The following MCTP1 variants were observed in gnomAD, a reference collection of about 807,000 sequenced individuals.
The protein encoded by MCTP1 is multiple C2 and transmembrane domain-containing protein 1.
MCTP1 carries 69 observed loss-of-function variants against 120.6 expected under a neutral mutation model. That is an observed-to-expected ratio of 0.57 (90% confidence interval 0.47 to 0.70). The LOEUF is 0.70. Among genes scored for constraint, MCTP1 ranks in the 30% least tolerant of loss-of-function variants. The pLI is 0.00. For missense variants in MCTP1, 1,203 were observed against 1,248.8 expected (o/e 0.96, Z 0.55); for synonymous variants, 529 against 493.1 (o/e 1.07, Z -0.96).
At chr5:95,136,511 C>T (rs1274752839) in intron 1 of MCTP1, among the ~76,000 whole-genome samples, 3 of 150,744 alleles carry the variant, frequency 2.0e-5, no homozygotes, top group Non-Finnish European at 2.9e-5. Context: ...GATGAAGTGG[C>T]GAGGAAAAAA....
rs1429673157 is a variant in MCTP1, at chr5:94,931,968, C to T, written c.1197G>A (p.Trp399Ter). 6.2e-7 allele frequency: 1 copy of T among 1,604,046 alleles called. No homozygotes were observed. Among genetic ancestry groups the T allele is most frequent in the African/African-American group, 1.3e-5 (1 of 74,620 alleles). The change falls in exon 6 of 23, where the codon TGG becomes TGA. Residue 399 changes from tryptophan to a stop codon, truncating the protein, a stop_gained. Transcript: ENST00000515393. LOFTEE classifies it high-confidence loss of function. Reference sequence around the variant, plus strand: ...TAAGAATTACCTTACTTGATCTTTTCCAACTCTTCCTCATTAGCATTGTCT... The same window carrying T: ...TAAGAATTACCTTACTTGATCTTTTTCAACTCTTCCTCATTAGCATTGTCT... Reference protein sequence around the residue: ...RDVTMLMRKSWKRSSKELSEN... With the variant: ...RDVTMLMRKS
intron 1 of MCTP1, among the ~76,000 whole-genome samples, chr5:95,174,529 A>G (rs1304382807): frequency 6.6e-6 from 1 of 152,248 alleles, no homozygotes; most frequent in Non-Finnish European, 1.5e-5. Flanking sequence ...GAGGTAGAAT[A>G]GAGACATTTT....
intron 1 of MCTP1, among the ~76,000 whole-genome samples, chr5:95,240,020 C>T (rs931181210): frequency 2.0e-5 from 3 of 151,964 alleles, no homozygotes; most frequent in African/African-American, 7.2e-5. Flanking sequence ...ATACTATGAT[C>T]TCATCTGTAT....
At chr5:95,083,874 A>G (rs1463813518) in intron 1 of MCTP1, among the ~76,000 whole-genome samples, 1 of 152,232 alleles carries the variant, frequency 6.6e-6, no homozygotes, top group Non-Finnish European at 1.5e-5. Context: ...CGTTAAATAA[A>G]TAATGGGTTA....
chr5:95,077,937 C>T (rs1396024756), intron 1 of MCTP1, among the ~76,000 whole-genome samples: 2 of 151,820 alleles, frequency 1.3e-5, no homozygotes, highest in African/African-American at 4.8e-5. Context: ...TCCTCTGGGC[C>T]CACATTCTCT....
intron 2 of MCTP1, among the ~76,000 whole-genome samples, chr5:95,003,951 G>A (rs978510526): frequency 2.0e-5 from 3 of 152,104 alleles, no homozygotes; most frequent in Admixed American, 1.3e-4. Flanking sequence ...AAGAAGACAG[G>A]AACATGAGGA....
intron 17 of MCTP1, among the ~76,000 whole-genome samples, chr5:94,822,600 G>A (rs996354714): frequency 6.6e-6 from 1 of 152,138 alleles, no homozygotes; most frequent in Non-Finnish European, 1.5e-5. Context: ...GGGTCAGGTG[G>A]TATTTCTAGT....
chr5:95,078,062 C>CCATCCATCCATT (rs1375496100), intron 1 of MCTP1, among the ~76,000 whole-genome samples: 1 of 152,166 alleles, frequency 6.6e-6, no homozygotes, highest in Non-Finnish European at 1.5e-5. Flanking sequence ...ATCCATCCAT[C>CCATCCATCCATT]CATCTTGTTT....
At chr5:94,951,320 T>G (rs1820513383) in intron 3 of MCTP1, among the ~76,000 whole-genome samples, 1 of 152,246 alleles carries the variant, frequency 6.6e-6, no homozygotes, top group African/African-American at 2.4e-5. Context: ...AGATGAATAC[T>G]TATTCTTGAG....
At chr5:94,962,300 G>A (rs1276151679) in intron 2 of MCTP1, among the ~76,000 whole-genome samples, 1 of 151,898 alleles carries the variant, frequency 6.6e-6, no homozygotes, top group East Asian at 1.9e-4. Flanking sequence ...CGGGGTATCT[G>A]CCCACAGGAA....
intron 18 of MCTP1, among the ~76,000 whole-genome samples, chr5:94,787,005 C>G (rs1777874015): frequency 6.6e-6 from 1 of 152,192 alleles, no homozygotes; most frequent in South Asian, 2.1e-4. Flanking sequence ...TAGTCTCCAT[C>G]TCCAGGCCTG....
chr5:94,886,674 G>A (rs181487388), intron 12 of MCTP1, among the ~76,000 whole-genome samples: 1 of 152,288 alleles, frequency 6.6e-6, no homozygotes, highest in African/African-American at 2.4e-5. Context: ...CTAAGTTGAG[G>A]ATTTGAAGAC....
chr5:95,076,302 T>G (rs1315721216), intron 1 of MCTP1, among the ~76,000 whole-genome samples: 1 of 152,182 alleles, frequency 6.6e-6, no homozygotes, highest in Non-Finnish European at 1.5e-5. Flanking sequence ...CTGTACACAT[T>G]TGCCATGAAC....
At chr5:95,051,349 T>C (rs1373598629) in intron 1 of MCTP1, among the ~76,000 whole-genome samples, 1 of 152,046 alleles carries the variant, frequency 6.6e-6, no homozygotes, top group Admixed American at 6.6e-5. Context: ...TGAAGTCCCA[T>C]AGAACCCCCA....
In MCTP1 at chr5:94,708,628, TAAAC is replaced by T. The variant is rs769473848; in HGVS notation, c.2831-23_2831-20del. On this transcript the variant is annotated intron_variant, in intron 21 of 22. Coordinates refer to ENST00000515393, the MANE Select transcript of MCTP1 (RefSeq NM_024717.7). Reference sequence around the variant, plus strand: ...TTGATGCCTGAAACAAAGTTGGAGTTAAACAAAGCACATTTCTGACAAAAGTGTT... The same window carrying T: ...TTGATGCCTGAAACAAAGTTGGAGTTAAAGCACATTTCTGACAAAAGTGTT... 19 of 1,453,066 alleles carry T rather than the reference TAAAC, an allele frequency of 1.3e-5. No homozygotes were observed. The highest frequency in any genetic ancestry group is 1.7e-4 in the Middle Eastern group (1 of 5,764). The allele number at this position is 1,453,066 out of a possible 1,614,324, so 90.0% of individuals were successfully genotyped here.
intron 1 of MCTP1, among the ~76,000 whole-genome samples, chr5:95,231,609 T>C (rs1754955457): frequency 1.3e-5 from 2 of 152,188 alleles, no homozygotes; most frequent in African/African-American, 2.4e-5. Flanking sequence ...TGAGTAGCTG[T>C]AGCAGAGCCA....
rs142419906 is a variant in MCTP1 at position 94,894,927 on chromosome 5, T to G, written c.1653-92A>C. The G allele has an allele frequency of 5.4e-6, 4 of 741,018 alleles. No individual in the cohort carries two copies. In the East Asian group the frequency reaches 1.1e-4, roughly 20 times the overall value. The allele number at this position is 741,018 out of a possible 1,614,324, so 45.9% of individuals were successfully genotyped here. A position where few individuals can be genotyped will look rare whatever the true frequency, so the allele number is the denominator to read the frequency against. On this transcript the variant is annotated intron_variant, in intron 10 of 22. Coordinates refer to ENST00000515393, the MANE Select transcript of MCTP1 (RefSeq NM_024717.7). Reference sequence around the variant, plus strand: ...CAGAGTTCTATGAAACATAAATCAATAGAAATATTATTTGGACCATTGGAA... The same window carrying G: ...CAGAGTTCTATGAAACATAAATCAAGAGAAATATTATTTGGACCATTGGAA...
chr5:94,767,797 T>G (rs1218448375), intron 19 of MCTP1, among the ~76,000 whole-genome samples: 1 of 152,126 alleles, frequency 6.6e-6, no homozygotes, highest in Non-Finnish European at 1.5e-5. Flanking sequence ...TGCCCATGGA[T>G]TTGAAGAATA....
chr5:94,992,860 T>C (rs1400502656), intron 2 of MCTP1, among the ~76,000 whole-genome samples: 1 of 152,220 alleles, frequency 6.6e-6, no homozygotes, highest in Non-Finnish European at 1.5e-5. Context: ...CAAATTCCTG[T>C]CTCAGAGTAT....
Sources: allele counts gnomAD v4.1 joint callset (sites outside exome capture counted in the v4.1 genomes callset), GRCh38; gene constraint gnomAD v4.1.1; transcripts MANE v1.5; gene names NCBI Gene and HGNC (gene_info 2026-07-23, HGNC 2026-07-21).